EIF3E: variants seen among roughly 807,000 people sequenced by gnomAD.
EIF3E encodes the protein eukaryotic translation initiation factor 3 subunit E.
In EIF3E, 25 loss-of-function variants were observed where a neutral mutation model predicts 59.3. The observed-to-expected ratio is 0.42, with a 90% CI of 0.31 to 0.59. The LOEUF (loss-of-function observed/expected upper bound fraction) is 0.59, where lower values mean the gene tolerates loss of function less well. Ranked by LOEUF, EIF3E falls within the 20% of genes least tolerant of loss-of-function variation. The pLI is 0.15. For synonymous variants in EIF3E, 176 were observed against 170.2 expected (o/e 1.03, Z -0.26); for missense variants, 317 against 534.3 (o/e 0.59, Z 4.01).
rs948064452 is a variant in EIF3E, at chr8:108,201,675, T to C, written c.*210A>G. On this transcript the variant is annotated 3_prime_UTR_variant, in exon 13 of 13. Coordinates refer to ENST00000220849, the MANE Select transcript of EIF3E (RefSeq NM_001568.3). ...TACTATTTTTGCAAATTCCTCTGAATATAATTATTCCAAAAAAGAAAGTTA... is the reference window on the plus strand; with the variant it reads ...TACTATTTTTGCAAATTCCTCTGAACATAATTATTCCAAAAAAGAAAGTTA... 9 of 444,328 alleles carry C rather than the reference T, an allele frequency of 2.0e-5. No homozygotes were observed. In the Admixed American group the frequency reaches 3.4e-4, roughly 17 times the overall value. 27.5% of individuals were successfully genotyped at this position (444,328 alleles called of 1,614,324 possible). A position where few individuals can be genotyped will look rare whatever the true frequency, so the allele number is the denominator to read the frequency against.
At chr8:108,215,669 T>A (rs911919177) in intron 9 of EIF3E, among the ~76,000 whole-genome samples, 5 of 152,082 alleles carry the variant, frequency 3.3e-5, no homozygotes, top group Non-Finnish European at 5.9e-5. Flanking sequence ...GCATGATCAT[T>A]TTTTTCCTTA....
chr8:108,217,295 G>A (rs775652507), intron 8 of EIF3E, 39 bp downstream of exon 8: 412 of 1,410,324 alleles, frequency 2.9e-4, no homozygotes, highest in Non-Finnish European at 3.4e-4. Flanking sequence ...TAAAGCTTAG[G>A]TATTTAAAAA....
At chr8:108,248,531 T>G in intron 1 of EIF3E, 82 bp downstream of exon 1, 3 of 1,413,548 alleles carry the variant, frequency 2.1e-6, no homozygotes, top group Non-Finnish European at 3.0e-6. Flanking sequence ...GTGTCAGGCC[T>G]AGGACTACAG....
chr8:108,206,223 GTCTTGACTTAAACATCGCTTGA>G (rs1373485011), intron 10 of EIF3E, among the ~76,000 whole-genome samples: 2 of 151,966 alleles, frequency 1.3e-5, no homozygotes, highest in Non-Finnish European at 2.9e-5. Flanking sequence ...AGTCAAGGGG[GTCTTGACTTAAACATCGCTTGA>G]TCTTGGGAGG....
At chr8:108,224,594 G>A (rs933940135) in intron 7 of EIF3E, among the ~76,000 whole-genome samples, 1 of 151,574 alleles carries the variant, frequency 6.6e-6, no homozygotes, top group Non-Finnish European at 1.5e-5. Flanking sequence ...TGACCCTATA[G>A]CAAGTGAAAA....
In EIF3E at chr8:108,216,466, T is replaced by C. The variant is rs764704090; in HGVS notation, c.897A>G (p.Leu299=). Residue 299 remains leucine, a synonymous_variant, in exon 9 of 13, where the codon TTA becomes TTG. Transcript: ENST00000220849. ...KDPITEFVEC[L]YVNFDFDGAQ... ...CCCCATCAAAGTCAAAGTTAACATATAAACATTCAACAAATTCTGTAATTG... is the reference window on the plus strand; with the variant it reads ...CCCCATCAAAGTCAAAGTTAACATACAAACATTCAACAAATTCTGTAATTG... 3 of 1,610,408 alleles carry C rather than the reference T, an allele frequency of 1.9e-6. No individual in the cohort carries two copies. Among genetic ancestry groups the C allele is most frequent in the East Asian group, 2.2e-5 (1 of 44,602 alleles).
intron 7 of EIF3E, among the ~76,000 whole-genome samples, chr8:108,218,238 C>A (rs1198028506): frequency 6.6e-6 from 1 of 152,166 alleles, no homozygotes; most frequent in East Asian, 1.9e-4. Flanking sequence ...AATTATCCAT[C>A]CAGCTACATC....
At chr8:108,234,406 A>C (rs921667843) in intron 5 of EIF3E, 1 of 152,202 alleles carries the variant, frequency 6.6e-6, no homozygotes, top group African/African-American at 2.4e-5. Context: ...AAGCCTGTCA[A>C]ATATACGGTA....
chr8:108,221,439 G>C (rs975506079), intron 7 of EIF3E: 3 of 152,140 alleles, frequency 2.0e-5, no homozygotes, highest in African/African-American at 7.2e-5. Flanking sequence ...TGTGACAGTT[G>C]TGATAAGTGA....
chr8:108,209,159 C>G (rs1815161138), intron 10 of EIF3E, among the ~76,000 whole-genome samples: 1 of 151,990 alleles, frequency 6.6e-6, no homozygotes, highest in Non-Finnish European at 1.5e-5. Context: ...TGAAATGTGT[C>G]CTTTGGTGGG....
chr8:108,205,865 T>C (rs1180690445), intron 10 of EIF3E, among the ~76,000 whole-genome samples: 1 of 152,198 alleles, frequency 6.6e-6, no homozygotes, highest in African/African-American at 2.4e-5. Flanking sequence ...ATTGTTGTTG[T>C]TAATCTTCTA....
At chr8:108,234,217 G>C (rs1815680827) in intron 5 of EIF3E, 1 of 152,194 alleles carries the variant, frequency 6.6e-6, no homozygotes, top group Non-Finnish European at 1.5e-5. Flanking sequence ...ATTTTTAGTA[G>C]AGACAGGGTT....
chr8:108,217,554 C>T (rs1815327451), intron 7 of EIF3E, 94 bp from the exon 8 acceptor site: 4 of 1,013,124 alleles, frequency 3.9e-6, no homozygotes, highest in African/African-American at 3.3e-5. Flanking sequence ...TTTCACTAGC[C>T]TAAGACTGCA....
At chr8:108,235,563 G>A (rs571346578) in intron 4 of EIF3E, among the ~76,000 whole-genome samples, 2 of 152,284 alleles carry the variant, frequency 1.3e-5, no homozygotes, top group African/African-American at 4.8e-5. Context: ...TCCGGTACTG[G>A]TCCATGACCT....
intron 1 of EIF3E, chr8:108,242,642 G>A: frequency 8.7e-6 from 10 of 1,147,068 alleles, no homozygotes; most frequent in East Asian, 6.1e-5. Flanking sequence ...GTGGTCAAAG[G>A]GTATTTAGCC....
intron 7 of EIF3E, among the ~76,000 whole-genome samples, chr8:108,223,503 A>G (rs1168941732): frequency 6.6e-6 from 1 of 152,206 alleles, no homozygotes; most frequent in Non-Finnish European, 1.5e-5. Flanking sequence ...CACATAGTGG[A>G]TTGGTTAATA....
intron 7 of EIF3E, among the ~76,000 whole-genome samples, chr8:108,218,464 T>C (rs1291472704): frequency 1.3e-5 from 2 of 152,208 alleles, no homozygotes; most frequent in Admixed American, 6.5e-5. Context: ...TTAAACTCTT[T>C]AGAGGACCCT....
Position 108,214,709 on chromosome 8 carries a change from A to C in EIF3E, c.959T>G (p.Val320Gly). Reference protein sequence around the residue: ...KKLRECESVLVNDFFLVACLE... With the variant: ...KKLRECESVLGNDFFLVACLE... Reference sequence around the variant, plus strand: ...ACAAGCCACCAAGAAGAAGTCATTCACAAGCACCTATATGTACAAATACAA... The same window carrying C: ...ACAAGCCACCAAGAAGAAGTCATTCCCAAGCACCTATATGTACAAATACAA... The change falls in exon 10 of 13, where the codon GTG becomes GGG. Residue 320 changes from valine to glycine, a missense_variant. This residue lies in a region of EIF3E where 242 missense variants were observed against 398.0 expected (regional missense o/e 0.61). Transcript: ENST00000220849. 1 of 1,608,108 alleles carries C rather than the reference A, an allele frequency of 6.2e-7. No individual in the cohort carries two copies. Among genetic ancestry groups the C allele is most frequent in the Non-Finnish European group, 8.5e-7 (1 of 1,178,834 alleles).
In EIF3E at chr8:108,201,797, T is replaced by C. The variant is rs1288851640; in HGVS notation, c.*88A>G. On this transcript the variant is annotated 3_prime_UTR_variant, in exon 13 of 13. Coordinates refer to ENST00000220849, the MANE Select transcript of EIF3E (RefSeq NM_001568.3). Reference sequence around the variant, plus strand: ...CAAAATTTATACGTAATATGTTGTTTCCAAAATGTAAGTCACCCTTTATAT... The same window carrying C: ...CAAAATTTATACGTAATATGTTGTTCCCAAAATGTAAGTCACCCTTTATAT... 2.7e-6 allele frequency: 3 copies of C among 1,112,752 alleles called. No homozygotes were observed. The highest frequency in any genetic ancestry group is 7.4e-5 in the Admixed American group (2 of 27,068). The allele number at this position is 1,112,752 out of a possible 1,614,324, so 68.9% of individuals were successfully genotyped here.
Sources: allele counts gnomAD v4.1 joint callset (sites outside exome capture counted in the v4.1 genomes callset), GRCh38; gene constraint gnomAD v4.1.1; regional missense constraint gnomAD v4.1.1; transcripts MANE v1.5; gene names NCBI Gene and HGNC (gene_info 2026-07-23, HGNC 2026-07-21).